Variants in SKIC2 observed in about 807,000 individuals in gnomAD.
SKIC2 encodes superkiller complex protein 2.
the SKIC2 span, among the ~76,000 whole-genome samples, chr6:31,966,433 A>G: frequency 3.9e-5 from 6 of 152,108 alleles, no homozygotes; most frequent in Non-Finnish European, 8.8e-5. The surrounding 1 kb of genome is among the most constrained non-coding windows in gnomAD (Gnocchi z 5.9). Flanking sequence ...TTTGCCTGGG[A>G]GAAGCTGAGG....
the SKIC2 span, chr6:31,961,372 G>A: frequency 1.9e-6 from 3 of 1,556,038 alleles, no homozygotes; most frequent in South Asian, 3.7e-5. Flanking sequence ...CAGCTTGGAA[G>A]ACCTAGTGTT....
the SKIC2 span, chr6:31,960,876 G>GA: frequency 6.7e-6 from 6 of 899,166 alleles, no homozygotes; most frequent in Non-Finnish European, 1.1e-5. Context: ...GTCATCTGCT[G>GA]GGAAATTTCT....
the SKIC2 span, chr6:31,960,661 C>T: frequency 6.3e-7 from 1 of 1,589,620 alleles, no homozygotes; most frequent in Non-Finnish European, 8.6e-7. Context: ...CCTGTCTCTT[C>T]CCAGGGGGGA....
chr6:31,969,468 C>G, the SKIC2 span: 1 of 1,613,722 alleles, frequency 6.2e-7, no homozygotes, highest in Non-Finnish European at 8.5e-7. The surrounding 1 kb of genome is among the most constrained non-coding windows in gnomAD (Gnocchi z 6.1). Flanking sequence ...CTGGGGAGAA[C>G]CTGCCCAGGC....
the SKIC2 span, chr6:31,963,911 A>G: frequency 6.2e-7 from 1 of 1,609,174 alleles, no homozygotes; most frequent in South Asian, 1.1e-5. This position sits in a 1 kb window ranked among gnomAD's most constrained non-coding sequence, Gnocchi z 5.3. Flanking sequence ...TTCCTTCTCC[A>G]GGACCGCGGA....
At chr6:31,964,290 T>C in the SKIC2 span, 1 of 1,613,088 alleles carries the variant, frequency 6.2e-7, no homozygotes, top group Non-Finnish European at 8.5e-7. The surrounding 1 kb of genome is among the most constrained non-coding windows in gnomAD (Gnocchi z 5.0). Context: ...AGCGGCATCC[T>C]GCCCATCCTC....
At chr6:31,962,038 C>T in the SKIC2 span, 1 of 1,613,064 alleles carries the variant, frequency 6.2e-7, no homozygotes, top group Non-Finnish European at 8.5e-7. This position sits in a 1 kb window ranked among gnomAD's most constrained non-coding sequence, Gnocchi z 5.0. Context: ...TGCCCTGGCC[C>T]AGAAACACAT....
chr6:31,959,956 C>T, the SKIC2 span: 6 of 1,264,668 alleles, frequency 4.7e-6, no homozygotes, highest in Non-Finnish European at 1.2e-6. Flanking sequence ...TCTCTTTTGT[C>T]TGCATTTTAT....
the SKIC2 span, chr6:31,963,664 GGA>G: frequency 1.9e-6 from 3 of 1,555,184 alleles, no homozygotes; most frequent in Non-Finnish European, 2.6e-6. The surrounding 1 kb of genome is among the most constrained non-coding windows in gnomAD (Gnocchi z 5.3). Flanking sequence ...AGGCCAAGAA[GGA>G]GAGAATGAGC....
the SKIC2 span, chr6:31,963,186 C>G: frequency 2.1e-6 from 2 of 962,596 alleles, no homozygotes; most frequent in Non-Finnish European, 1.6e-6. This position sits in a 1 kb window ranked among gnomAD's most constrained non-coding sequence, Gnocchi z 5.3. Flanking sequence ...GGAGAGCGGT[C>G]AGGCCTTAGG....
At chr6:31,963,846 A>G in the SKIC2 span, 11 of 1,488,340 alleles carry the variant, frequency 7.4e-6, no homozygotes, top group Non-Finnish European at 9.3e-7. The surrounding 1 kb of genome is among the most constrained non-coding windows in gnomAD (Gnocchi z 5.3). Context: ...CCCAGTTAAC[A>G]CTAGCTCACC....
At chr6:31,963,465 C>T in the SKIC2 span, 2 of 1,611,248 alleles carry the variant, frequency 1.2e-6, no homozygotes, top group Non-Finnish European at 1.7e-6. The surrounding 1 kb of genome is among the most constrained non-coding windows in gnomAD (Gnocchi z 5.3). Context: ...CCGCCCCGTG[C>T]CCCTGGAGCA....
the SKIC2 span, among the ~76,000 whole-genome samples, chr6:31,962,246 G>A: frequency 1.3e-5 from 2 of 152,264 alleles, no homozygotes; most frequent in Non-Finnish European, 2.9e-5. The surrounding 1 kb of genome is among the most constrained non-coding windows in gnomAD (Gnocchi z 5.0). Flanking sequence ...GAATGACCTG[G>A]GTTAGTTTAG....
At chr6:31,963,675 G>T in the SKIC2 span, 1 of 1,556,714 alleles carries the variant, frequency 6.4e-7, no homozygotes. The surrounding 1 kb of genome is among the most constrained non-coding windows in gnomAD (Gnocchi z 5.3). Context: ...GAGAGAATGA[G>T]CAAACACGCC....
the SKIC2 span, chr6:31,961,368 G>C: frequency 1.9e-6 from 3 of 1,559,050 alleles, no homozygotes; most frequent in South Asian, 1.2e-5. Context: ...CAAGCAGCTT[G>C]GAAGACCTAG....
At chr6:31,968,856 C>T in the SKIC2 span, 1 of 1,612,054 alleles carries the variant, frequency 6.2e-7, no homozygotes, top group African/African-American at 1.3e-5. The surrounding 1 kb of genome is among the most constrained non-coding windows in gnomAD (Gnocchi z 6.1). Context: ...CCAATGCCCA[C>T]CCTTTTTCTT....
At chr6:31,966,930 G>A in the SKIC2 span, 1 of 1,613,230 alleles carries the variant, frequency 6.2e-7, no homozygotes, top group South Asian at 1.1e-5. This position sits in a 1 kb window ranked among gnomAD's most constrained non-coding sequence, Gnocchi z 5.9. Context: ...AGAGGCCAGT[G>A]TGTTGAGGGT....
chr6:31,969,255 C>G, the SKIC2 span: 1 of 1,613,358 alleles, frequency 6.2e-7, no homozygotes, highest in Non-Finnish European at 8.5e-7. This position sits in a 1 kb window ranked among gnomAD's most constrained non-coding sequence, Gnocchi z 6.1. Context: ...GAAGGCAGGC[C>G]TTAACCTCTC....
chr6:31,964,019 G>A, the SKIC2 span: 1 of 1,612,636 alleles, frequency 6.2e-7, no homozygotes, highest in Non-Finnish European at 8.5e-7. This position sits in a 1 kb window ranked among gnomAD's most constrained non-coding sequence, Gnocchi z 5.0. Flanking sequence ...CAGGCCTCAG[G>A]CCTCACCTCC....
Sources: gnomAD v4.1 joint callset for allele counts (sites outside exome capture counted in the v4.1 genomes callset) on GRCh38, gnomAD v4.1.1 for gene constraint, Gnocchi (gnomAD v3.1) non-coding constraint, MANE v1.5 for transcripts, NCBI Gene and HGNC (gene_info 2026-07-23, HGNC 2026-07-21) for gene names.